RARB: variants seen among roughly 807,000 people sequenced by gnomAD.
The protein encoded by RARB is retinoic acid receptor beta.
RARB carries 17 observed loss-of-function variants against 51.9 expected under a neutral mutation model. That is an observed-to-expected ratio of 0.33 (90% CI 0.22 to 0.49). The LOEUF (loss-of-function observed/expected upper bound fraction) is 0.49, where lower values mean the gene tolerates loss of function less well. RARB is among the 20% of genes least tolerant of loss of function. The probability of loss-of-function intolerance (pLI) is 0.99; values close to 1 mark genes in which losing one functional copy is unlikely to be tolerated. For synonymous variants in RARB, 215 were observed against 195.4 expected, an observed-to-expected ratio of 1.10 and a Z score of -0.84; for missense variants, 369 against 550.8, an observed-to-expected ratio of 0.67 and a Z score of 3.30.
intron 5 of RARB, among the ~76,000 whole-genome samples, chr3:25,295,011 G>A (rs141544584): frequency 1.3e-5 from 2 of 152,202 alleles, no homozygotes; most frequent in African/African-American, 4.8e-5. Context: ...CTTTTTTCTC[G>A]AAAGACAATC....
chr3:24,928,759 C>G (rs987475226), intron 2 of RARB, among the ~76,000 whole-genome samples: 3 of 152,130 alleles, frequency 2.0e-5, no homozygotes, highest in Middle Eastern at 3.4e-3. Flanking sequence ...CATTTAGATT[C>G]TCTCCAATGA....
chr3:25,059,658 G>A (rs988677789), intron 2 of RARB, among the ~76,000 whole-genome samples: 4 of 151,720 alleles, frequency 2.6e-5, no homozygotes, highest in Non-Finnish European at 5.9e-5. Context: ...GCATTGTGGA[G>A]ACAAAGTTCA....
At chr3:24,834,982 C>T (rs1702325261) in intron 1 of RARB, among the ~76,000 whole-genome samples, 1 of 151,840 alleles carries the variant, frequency 6.6e-6, no homozygotes, top group Admixed American at 6.6e-5. Flanking sequence ...TCTTTCTTCA[C>T]TTTCTGCTGT....
At chr3:25,302,808 T>C (rs1206696523) in intron 5 of RARB, among the ~76,000 whole-genome samples, 2 of 152,246 alleles carry the variant, frequency 1.3e-5, no homozygotes, top group Non-Finnish European at 1.5e-5. Flanking sequence ...AAAGCTGGGC[T>C]GTGCCCCCAT....
chr3:25,177,467 T>C (rs569183476), intron 5 of RARB, among the ~76,000 whole-genome samples: 1 of 152,210 alleles, frequency 6.6e-6, no homozygotes, highest in Non-Finnish European at 1.5e-5. Flanking sequence ...TTCATGTCAT[T>C]GAACTGTAGG....
intron 5 of RARB, among the ~76,000 whole-genome samples, chr3:25,292,882 G>A (rs553868846): frequency 6.6e-6 from 1 of 152,170 alleles, no homozygotes; most frequent in Non-Finnish European, 1.5e-5. Flanking sequence ...TTGCCTTAGT[G>A]TCAGCCTGAA....
chr3:24,952,630 G>T (rs1695919673), intron 2 of RARB, among the ~76,000 whole-genome samples: 1 of 152,120 alleles, frequency 6.6e-6, no homozygotes, highest in Non-Finnish European at 1.5e-5. Context: ...GGCACAGCAG[G>T]TGCTCAGTAA....
chr3:25,047,356 C>T (rs1031572904), intron 2 of RARB, among the ~76,000 whole-genome samples: 6 of 151,988 alleles, frequency 3.9e-5, no homozygotes, highest in African/African-American at 1.5e-4. Flanking sequence ...GGAAGCGTTC[C>T]AGCCCATCAG....
At chr3:25,151,213 G>C (rs1467863288) in intron 4 of RARB, among the ~76,000 whole-genome samples, 2 of 152,218 alleles carry the variant, frequency 1.3e-5, no homozygotes, top group Non-Finnish European at 2.9e-5. Context: ...GGGAAAGATG[G>C]AGCCTCCTGG....
At chr3:25,284,033 C>A (rs1268901490) in intron 5 of RARB, among the ~76,000 whole-genome samples, 3 of 152,222 alleles carry the variant, frequency 2.0e-5, no homozygotes, top group Non-Finnish European at 4.4e-5. Flanking sequence ...TTTTCTCCTG[C>A]TGGCAATCTC....
chr3:24,946,382 T>TTTTTTTTTTTTTTTTTTTATTATACTC (rs1339210184), intron 2 of RARB, among the ~76,000 whole-genome samples: 1 of 151,486 alleles, frequency 6.6e-6, no homozygotes, highest in Non-Finnish European at 1.5e-5. Context: ...TGATAATTTT[T>TTTTTTTTTTTTTTTTTTTATTATACTC]TAACTAAATT....
At chr3:25,433,933 G>T (rs986028723) in intron 1 of RARB, among the ~76,000 whole-genome samples, 2 of 152,190 alleles carry the variant, frequency 1.3e-5, no homozygotes, top group African/African-American at 4.8e-5. Flanking sequence ...ATTTTGTCTT[G>T]AGCTTTCAGA....
chr3:25,510,835 T>C lies in RARB; in HGVS notation c.448+9512T>C, dbSNP rs559441882. Among the ~76,000 whole-genome samples the C allele has an allele frequency of 2.3e-4, 35 of 152,356 alleles. No homozygotes were observed. In the South Asian group the frequency reaches 7.0e-3, roughly 31 times the overall value. On this transcript the variant is annotated intron_variant, in intron 3 of 7. Transcript: ENST00000330688. ...TATTACCAATGAGAAAAATCTCAGT[T>C]TGATGCCAATACAGCCTTAATTAAT...
At chr3:25,583,553 G>GC (rs1331279266) in intron 5 of RARB, among the ~76,000 whole-genome samples, 1 of 152,266 alleles carries the variant, frequency 6.6e-6, no homozygotes, top group African/African-American at 2.4e-5. Flanking sequence ...GCGGTCAGCT[G>GC]CGGGACACGC....
Position 25,505,045 on chromosome 3 carries a change from C to A in RARB, c.448+3722C>A, listed in dbSNP as rs1286642. Among the ~76,000 whole-genome samples the A allele has an allele frequency of 4.6e-5, 7 of 152,104 alleles. 1 individual carries two copies. Among genetic ancestry groups the A allele is most frequent in the Admixed American group, 3.3e-4 (5 of 15,286 alleles). ...CCACCCACTTCAGCCTCCCAGAGTG[C>A]TGGGATTACAGGCGTGAGCCACCGC... On this transcript the variant is annotated intron_variant, in intron 3 of 7. Coordinates refer to ENST00000330688, the MANE Select transcript of RARB (RefSeq NM_000965.5).
At chr3:25,199,806 C>T (rs1021718684) in intron 5 of RARB, among the ~76,000 whole-genome samples, 2 of 152,038 alleles carry the variant, frequency 1.3e-5, no homozygotes, top group Admixed American at 6.6e-5. Context: ...TAGTATTCCA[C>T]CGTGTATATG....
chr3:25,112,794 C>T (rs1001853679), intron 3 of RARB, among the ~76,000 whole-genome samples: 7 of 152,038 alleles, frequency 4.6e-5, no homozygotes, highest in Non-Finnish European at 8.8e-5. Context: ...GGAAAAAAAG[C>T]CAATGGTTTT....
intron 1 of RARB, among the ~76,000 whole-genome samples, chr3:25,453,243 C>CTTT (rs758275411): frequency 4.3e-4 from 35 of 81,982 alleles, no homozygotes; most frequent in African/African-American, 8.9e-4. Context: ...CAAGATTCTG[C>CTTT]TTTTTTTTTT....
chr3:24,975,810 T>G (rs1696498731), intron 2 of RARB, among the ~76,000 whole-genome samples: 1 of 152,170 alleles, frequency 6.6e-6, no homozygotes, highest in Non-Finnish European at 1.5e-5. Flanking sequence ...AGGGTACACG[T>G]GCACAACGTG....
Sources: allele counts gnomAD v4.1 joint callset (sites outside exome capture counted in the v4.1 genomes callset), GRCh38; gene constraint gnomAD v4.1.1; transcripts MANE v1.5; gene names NCBI Gene and HGNC (gene_info 2026-07-23, HGNC 2026-07-21).